RANBP17: variants seen among roughly 807,000 people sequenced by gnomAD.
RANBP17 encodes ran-binding protein 17.
In RANBP17, 158 loss-of-function variants were observed where a neutral mutation model predicts 141.2. The observed-to-expected ratio is 1.12, with a 90% confidence interval of 0.98 to 1.28. The LOEUF (loss-of-function observed/expected upper bound fraction) is 1.28. RANBP17 is among the 50% of genes most tolerant of loss of function. The pLI is 0.00. For synonymous variants in RANBP17, 430 were observed against 450.0 expected, an observed-to-expected ratio of 0.96 and a Z score of 0.56; for missense variants, 1,438 against 1,290.7, an observed-to-expected ratio of 1.11 and a Z score of -1.75.
chr5:170,962,897 G>A (rs1277412530), intron 13 of RANBP17, among the ~76,000 whole-genome samples: 7 of 152,080 alleles, frequency 4.6e-5, no homozygotes, highest in Non-Finnish European at 8.8e-5. Flanking sequence ...TTGGCAATAC[G>A]TAGCAAGTTT....
intron 14 of RANBP17, among the ~76,000 whole-genome samples, chr5:171,142,560 A>G (rs1247702792): frequency 6.6e-6 from 1 of 152,238 alleles, no homozygotes; most frequent in Admixed American, 6.5e-5. Context: ...AGTTTGGGAT[A>G]TATTCAAGCA....
chr5:170,901,409 T>G (rs767066312), intron 5 of RANBP17, among the ~76,000 whole-genome samples: 20 of 151,906 alleles, frequency 1.3e-4, no homozygotes, highest in Admixed American at 3.9e-4. Context: ...GTGTAGGCTA[T>G]TTACAAAGGC....
At chr5:170,948,847 A>G (rs1328390055) in intron 12 of RANBP17, among the ~76,000 whole-genome samples, 1 of 152,172 alleles carries the variant, frequency 6.6e-6, no homozygotes, top group African/African-American at 2.4e-5. Context: ...TGGTACCAGC[A>G]TACAGGTAGA....
intron 14 of RANBP17, among the ~76,000 whole-genome samples, chr5:171,118,942 T>A (rs1755827592): frequency 6.6e-6 from 1 of 152,192 alleles, no homozygotes; most frequent in African/African-American, 2.4e-5. Context: ...TTGCTCTGGA[T>A]ACGACTTCAG....
chr5:171,113,891 A>T (rs577649310), intron 14 of RANBP17, among the ~76,000 whole-genome samples: 1 of 152,212 alleles, frequency 6.6e-6, no homozygotes, highest in African/African-American at 2.4e-5. Context: ...CTATGTCATT[A>T]TATCACAACA....
intron 25 of RANBP17, among the ~76,000 whole-genome samples, chr5:171,293,024 G>C (rs1768592600): frequency 6.6e-6 from 1 of 152,114 alleles, no homozygotes; most frequent in African/African-American, 2.4e-5. Context: ...AGAACCCTTT[G>C]TGTGCATCCC....
At chr5:171,068,158 T>C (rs929569882) in intron 14 of RANBP17, among the ~76,000 whole-genome samples, 1 of 152,166 alleles carries the variant, frequency 6.6e-6, no homozygotes, top group Non-Finnish European at 1.5e-5. Context: ...TGAGATGTGC[T>C]CTTGAACTCC....
At chr5:171,097,608 TTTATTATTATTATTATTATTATTATTA>T (rs35948377) in intron 14 of RANBP17, among the ~76,000 whole-genome samples, 1 of 141,388 alleles carries the variant, frequency 7.1e-6, no homozygotes, top group African/African-American at 2.6e-5. Context: ...ATGTAGTCTT[TTTATTATTATTATTATTATTATTATTA>T]TTATTATTAT....
At chr5:171,100,331 A>G (rs548562637) in intron 14 of RANBP17, among the ~76,000 whole-genome samples, 45 of 152,172 alleles carry the variant, frequency 3.0e-4, no homozygotes, top group African/African-American at 1.0e-3. Flanking sequence ...AGTCTTGGGA[A>G]GTTGTATGTG....
intron 14 of RANBP17, among the ~76,000 whole-genome samples, chr5:170,996,492 T>G (rs1375337704): frequency 2.0e-5 from 3 of 152,166 alleles, no homozygotes; most frequent in Non-Finnish European, 4.4e-5. Flanking sequence ...GCCACTATAC[T>G]AGGTGAATAT....
chr5:170,933,217 C>T (rs1281409121), intron 12 of RANBP17, among the ~76,000 whole-genome samples: 2 of 152,134 alleles, frequency 1.3e-5, no homozygotes, highest in African/African-American at 4.8e-5. Flanking sequence ...TTATAGTATT[C>T]TCTGATGGTA....
At chr5:170,904,856 G>C (rs1351904752) in intron 5 of RANBP17, among the ~76,000 whole-genome samples, 1 of 151,954 alleles carries the variant, frequency 6.6e-6, no homozygotes, top group Non-Finnish European at 1.5e-5. Context: ...TGTAAAAGTA[G>C]GTACTGGGAA....
At chr5:170,988,015 CACTT>C (rs1429671734) in intron 14 of RANBP17, among the ~76,000 whole-genome samples, 3 of 151,448 alleles carry the variant, frequency 2.0e-5, no homozygotes, top group East Asian at 1.9e-4. Context: ...ATACATTAAA[CACTT>C]ACTCTCTCCC....
rs1288482327 is a variant in RANBP17, at chr5:170,919,503, A to G, written c.1164A>G (p.Ala388=). Residue 388 remains alanine (A), a synonymous_variant, in exon 11 of 28, where the codon GCA becomes GCG. Transcript: ENST00000523189. ...YLLTLWQRMV[A]SVPFVKSTEP... ...TAACTCTGTGGCAAAGGATGGTAGC[A>G]TCTGTTCCTTTTGTGAAATCAACTG... The G allele has an allele frequency of 6.2e-7, 1 of 1,612,222 alleles. No individual in the cohort carries two copies.
chr5:171,263,192 A>G (rs1766444180), intron 24 of RANBP17, among the ~76,000 whole-genome samples: 1 of 152,204 alleles, frequency 6.6e-6, no homozygotes, highest in African/African-American at 2.4e-5. Context: ...TGAATGAGAA[A>G]CTACTCCCTT....
intron 12 of RANBP17, among the ~76,000 whole-genome samples, chr5:170,926,215 A>G (rs1772908286): frequency 1.3e-5 from 2 of 152,180 alleles, no homozygotes; most frequent in African/African-American, 4.8e-5. Flanking sequence ...AAGCAGCCGT[A>G]GACCATACTC....
intron 14 of RANBP17, among the ~76,000 whole-genome samples, chr5:171,091,471 G>A (rs1786272708): frequency 1.3e-5 from 2 of 152,156 alleles, no homozygotes; most frequent in African/African-American, 4.8e-5. Flanking sequence ...ATGAGACTTT[G>A]GACTGTGGGC....
At chr5:171,053,733 C>G (rs969789896) in intron 14 of RANBP17, among the ~76,000 whole-genome samples, 1 of 151,182 alleles carries the variant, frequency 6.6e-6, no homozygotes, top group Non-Finnish European at 1.5e-5. Flanking sequence ...CCTAATTGCT[C>G]TAGCCAGGAC....
chr5:171,217,934 T>G (rs1412734645), intron 21 of RANBP17, among the ~76,000 whole-genome samples: 1 of 152,158 alleles, frequency 6.6e-6, no homozygotes, highest in Non-Finnish European at 1.5e-5. Context: ...TCAGCTAGCT[T>G]TTGAATTTGT....
Sources: gnomAD v4.1 joint callset for allele counts (sites outside exome capture counted in the v4.1 genomes callset) on GRCh38, gnomAD v4.1.1 for gene constraint, MANE v1.5 for transcripts, NCBI Gene and HGNC (gene_info 2026-07-23, HGNC 2026-07-21) for gene names.